Variants in GALNT13 observed in about 807,000 individuals in gnomAD.
GALNT13 encodes the protein UDP-GalNAc:polypeptide N-acetylgalactosaminyltransferase 13.
In GALNT13, 28 loss-of-function variants were observed where a neutral mutation model predicts 64.2. That is an observed-to-expected ratio of 0.44 (90% CI 0.32 to 0.60). The LOEUF is 0.60. GALNT13 is among the 20% of genes least tolerant of loss of function. The pLI, the probability that GALNT13 is intolerant of heterozygous loss-of-function variation, is 0.05. For missense variants in GALNT13, 577 were observed against 669.8 expected (o/e 0.86, Z 1.53); for synonymous variants, 214 against 224.6 (o/e 0.95, Z 0.42).
At chr2:153,784,370 G>A in the GALNT13 span, among the ~76,000 whole-genome samples, 1 of 152,186 alleles carries the variant, frequency 6.6e-6, no homozygotes, top group Admixed American at 6.5e-5. Context: ...GAACTTGAAA[G>A]AGATGATTTA....
intron 3 of GALNT13, among the ~76,000 whole-genome samples, chr2:154,064,379 A>T (rs1361293129): frequency 6.6e-6 from 1 of 152,130 alleles, no homozygotes; most frequent in African/African-American, 2.4e-5. Flanking sequence ...GGAGCATGTG[A>T]TCTAATGAGA....
intron 11 of GALNT13, among the ~76,000 whole-genome samples, chr2:154,421,550 T>A (rs1030974290): frequency 1.3e-5 from 2 of 152,108 alleles, no homozygotes; most frequent in Non-Finnish European, 2.9e-5. Context: ...ATCTGAGATA[T>A]CATGAGATTG....
At chr2:154,380,455 A>C (rs1167898976) in intron 9 of GALNT13, among the ~76,000 whole-genome samples, 1 of 152,024 alleles carries the variant, frequency 6.6e-6, no homozygotes, top group Non-Finnish European at 1.5e-5. Flanking sequence ...ATATTTCCAA[A>C]AGTTCAACTC....
chr2:153,909,476 A>T (rs977989106), intron 2 of GALNT13, among the ~76,000 whole-genome samples: 1 of 152,022 alleles, frequency 6.6e-6, no homozygotes, highest in Non-Finnish European at 1.5e-5. Context: ...TACTATGTTT[A>T]ATAGGAGTGG....
intron 3 of GALNT13, among the ~76,000 whole-genome samples, chr2:153,994,934 A>G (rs1210673406): frequency 6.6e-6 from 1 of 151,876 alleles, no homozygotes; most frequent in Non-Finnish European, 1.5e-5. Flanking sequence ...TAGATCCTAT[A>G]ACTAAACTAT....
chr2:153,159,013 G>C, the GALNT13 span: 5 of 170,940 alleles, frequency 2.9e-5, no homozygotes, highest in African/African-American at 9.5e-5. Flanking sequence ...CCCAGTCCAG[G>C]GGTATTGCAG....
chr2:154,431,707 C>A (rs551103380), intron 11 of GALNT13, among the ~76,000 whole-genome samples: 1 of 152,216 alleles, frequency 6.6e-6, no homozygotes, highest in East Asian at 1.9e-4. Flanking sequence ...ATAATCCCCA[C>A]GTGTCATGAG....
At chr2:153,999,038 A>T (rs1236345409) in intron 3 of GALNT13, among the ~76,000 whole-genome samples, 5 of 152,148 alleles carry the variant, frequency 3.3e-5, no homozygotes, top group African/African-American at 1.2e-4. Context: ...TCACGGAATT[A>T]GAAAAAACTA....
intron 1 of GALNT13, among the ~76,000 whole-genome samples, chr2:153,875,607 C>T (rs577270710): frequency 2.0e-4 from 31 of 152,002 alleles, no homozygotes; most frequent in Non-Finnish European, 2.5e-4. Flanking sequence ...ATAAAGACTT[C>T]GGGATTTTAG....
intron 7 of GALNT13, among the ~76,000 whole-genome samples, chr2:154,250,953 C>T (rs1276469425): frequency 1.3e-5 from 2 of 152,022 alleles, no homozygotes; most frequent in East Asian, 1.9e-4. Context: ...CTAGTCAATG[C>T]TCTTGCTTAC....
chr2:153,144,833 G>A, the GALNT13 span, among the ~76,000 whole-genome samples: 4 of 151,856 alleles, frequency 2.6e-5, no homozygotes, highest in African/African-American at 7.2e-5. Flanking sequence ...AAGAAAACTC[G>A]GGAAGTTTTC....
chr2:153,903,996 T>A (rs1339977315), intron 2 of GALNT13, among the ~76,000 whole-genome samples: 2 of 152,008 alleles, frequency 1.3e-5, no homozygotes, highest in African/African-American at 2.4e-5. Context: ...TCATTATAGT[T>A]TTAACTTTAA....
chr2:153,153,195 A>G, the GALNT13 span, among the ~76,000 whole-genome samples: 1 of 152,138 alleles, frequency 6.6e-6, no homozygotes, highest in Non-Finnish European at 1.5e-5. Flanking sequence ...GGCCACATGC[A>G]TATCTCCTTT....
chr2:154,376,247 A>G (rs1273059741), intron 9 of GALNT13, among the ~76,000 whole-genome samples: 1 of 152,184 alleles, frequency 6.6e-6, no homozygotes, highest in African/African-American at 2.4e-5. Context: ...ACTTTTAATG[A>G]GCAAATCTCA....
chr2:153,421,466 C>T, the GALNT13 span: 1 of 221,570 alleles, frequency 4.5e-6, no homozygotes, highest in Non-Finnish European at 1.0e-5. Flanking sequence ...CTGTGGAAAC[C>T]TGCAGGGCTA....
At chr2:153,455,678 G>T in the GALNT13 span, among the ~76,000 whole-genome samples, 1 of 152,114 alleles carries the variant, frequency 6.6e-6, no homozygotes, top group Admixed American at 6.5e-5. Context: ...TATGGTGCTC[G>T]TTTAGCTCTG....
chr2:153,164,044 G>A, the GALNT13 span, among the ~76,000 whole-genome samples: 23 of 151,612 alleles, frequency 1.5e-4, no homozygotes, highest in Admixed American at 1.3e-3. Context: ...AATGTGATCA[G>A]GCTGAGAAGC....
chr2:154,424,825 C>T (rs1700403672), intron 11 of GALNT13, among the ~76,000 whole-genome samples: 1 of 152,240 alleles, frequency 6.6e-6, no homozygotes, highest in South Asian at 2.1e-4. Context: ...TAACGAACGA[C>T]TTGCACTTGA....
the GALNT13 span, among the ~76,000 whole-genome samples, chr2:153,210,601 TGGTC>T: frequency 3.8e-3 from 585 of 152,256 alleles, 3 homozygotes; most frequent in African/African-American, 0.013. Flanking sequence ...CACATAAACT[TGGTC>T]GGTAATTTTT....
Sources: allele counts gnomAD v4.1 joint callset (sites outside exome capture counted in the v4.1 genomes callset), GRCh38; gene constraint gnomAD v4.1.1; transcripts MANE v1.5; gene names NCBI Gene and HGNC (gene_info 2026-07-23, HGNC 2026-07-21).